Variants in MCTP2 observed in about 807,000 individuals in gnomAD.
The protein encoded by MCTP2 is multiple C2 and transmembrane domain-containing protein 2.
In MCTP2, 132 loss-of-function variants were observed where a neutral mutation model predicts 111.6. That is an observed-to-expected ratio of 1.18 (90% CI 1.03 to 1.37). The LOEUF (loss-of-function observed/expected upper bound fraction) is 1.37. Among genes scored for constraint, MCTP2 ranks in the 40% most tolerant of loss-of-function variants. The pLI, the probability that MCTP2 is intolerant of heterozygous loss-of-function variation, is 0.00. For synonymous variants in MCTP2, 395 were observed against 387.7 expected (o/e 1.02, Z -0.22); for missense variants, 1,183 against 1,067.9 (o/e 1.11, Z -1.50).
At chr15:94,366,319 T>G (rs1409109177) in intron 10 of MCTP2, among the ~76,000 whole-genome samples, 1 of 152,190 alleles carries the variant, frequency 6.6e-6, no homozygotes, top group East Asian at 1.9e-4. Context: ...CCACCTGTAA[T>G]TGGGGTCACT....
chr15:94,335,624 A>G (rs1017321163), intron 4 of MCTP2, among the ~76,000 whole-genome samples: 1 of 152,250 alleles, frequency 6.6e-6, no homozygotes, highest in African/African-American at 2.4e-5. Flanking sequence ...TATGGACTCC[A>G]AAGATAATTA....
At chr15:94,279,416 T>G (rs560118911) in intron 1 of MCTP2, among the ~76,000 whole-genome samples, 4 of 152,136 alleles carry the variant, frequency 2.6e-5, no homozygotes, top group African/African-American at 7.2e-5. Context: ...GGCACTCAAC[T>G]TATACATTAC....
At chr15:94,243,663 G>GTA (rs1201004098) in intron 1 of MCTP2, among the ~76,000 whole-genome samples, 2 of 146,810 alleles carry the variant, frequency 1.4e-5, no homozygotes, top group Non-Finnish European at 3.0e-5. Context: ...ACACATATGC[G>GTA]TATATATACA....
At chr15:94,328,556 T>C (rs1172539671) in intron 4 of MCTP2, among the ~76,000 whole-genome samples, 1 of 152,236 alleles carries the variant, frequency 6.6e-6, no homozygotes, top group Non-Finnish European at 1.5e-5. Flanking sequence ...ATGTGTGTTG[T>C]GTATTCCCAC....
chr15:94,445,972 T>C (rs974211497), intron 19 of MCTP2, among the ~76,000 whole-genome samples: 4 of 152,204 alleles, frequency 2.6e-5, no homozygotes, highest in African/African-American at 9.6e-5. Flanking sequence ...CCTCAGGAGA[T>C]GAATGCTTTG....
chr15:94,476,800 A>G lies in MCTP2; in HGVS notation c.2568+7A>G. ...ACCGTCTGATGTTCAAAAGGTATGT[A>G]ATGAATGGTTACCACCAACAGTGGC... On this transcript the variant is annotated splice_region_variant and intron_variant, in intron 22 of 22. Coordinates refer to ENST00000357742, the MANE Select transcript of MCTP2 (RefSeq NM_001385001.1). 1 of 1,510,132 alleles carries G rather than the reference A, an allele frequency of 6.6e-7. No homozygotes were observed. Among genetic ancestry groups the G allele is most frequent in the Non-Finnish European group, 9.2e-7 (1 of 1,086,024 alleles). 93.5% of individuals were successfully genotyped at this position (1,510,132 alleles called of 1,614,324 possible). A position where few individuals can be genotyped will look rare whatever the true frequency, so the allele number is the denominator to read the frequency against.
chr15:94,245,582 A>G (rs997794543), intron 1 of MCTP2, among the ~76,000 whole-genome samples: 3 of 144,616 alleles, frequency 2.1e-5, no homozygotes, highest in Non-Finnish European at 3.0e-5. Flanking sequence ...ATATACGTAT[A>G]TGTACATATA....
chr15:94,457,303 T>C (rs1199158230), intron 19 of MCTP2, among the ~76,000 whole-genome samples: 1 of 152,214 alleles, frequency 6.6e-6, no homozygotes, highest in Non-Finnish European at 1.5e-5. Context: ...GGGAATCTCC[T>C]GACATTTGAG....
intron 8 of MCTP2, among the ~76,000 whole-genome samples, chr15:94,354,313 A>G (rs2078485966): frequency 6.6e-6 from 1 of 152,166 alleles, no homozygotes; most frequent in Admixed American, 6.5e-5. Context: ...GTCCCCACCC[A>G]AATCTCATCT....
intron 4 of MCTP2, among the ~76,000 whole-genome samples, chr15:94,330,489 A>T (rs1366437971): frequency 1.3e-5 from 2 of 150,930 alleles, no homozygotes; most frequent in African/African-American, 4.9e-5. Flanking sequence ...GTATTCATTG[A>T]TTCTCTGGCT....
intron 4 of MCTP2, among the ~76,000 whole-genome samples, chr15:94,316,763 ATC>A (rs2152367348): frequency 6.6e-6 from 1 of 152,116 alleles, no homozygotes; most frequent in Non-Finnish European, 1.5e-5. Context: ...AGGCAAATAT[ATC>A]TGTTTTTTTC....
chr15:94,245,375 T>C (rs1014738758), intron 1 of MCTP2, among the ~76,000 whole-genome samples: 12 of 136,416 alleles, frequency 8.8e-5, no homozygotes, highest in Non-Finnish European at 1.5e-4. Context: ...TTTACATACA[T>C]ATGTATATGT....
At chr15:94,419,865 T>C (rs1757956347) in intron 17 of MCTP2, among the ~76,000 whole-genome samples, 2 of 151,804 alleles carry the variant, frequency 1.3e-5, no homozygotes, top group Non-Finnish European at 2.9e-5. Context: ...GCTGAGATAA[T>C]TGATAAAGGT....
intron 18 of MCTP2, among the ~76,000 whole-genome samples, chr15:94,441,114 T>C (rs149072378): frequency 0.011 from 1,645 of 152,294 alleles, 38 homozygotes; most frequent in African/African-American, 0.036. Flanking sequence ...CACCTTCACA[T>C]TTGGTTTCCC....
chr15:94,312,317 A>G (rs1212542874), intron 2 of MCTP2, among the ~76,000 whole-genome samples: 1 of 152,250 alleles, frequency 6.6e-6, no homozygotes, highest in East Asian at 1.9e-4. Flanking sequence ...GGTTCTGATT[A>G]TTGGCATAAA....
chr15:94,258,990 A>G (rs979281523), intron 1 of MCTP2, among the ~76,000 whole-genome samples: 8 of 152,236 alleles, frequency 5.3e-5, no homozygotes, highest in Non-Finnish European at 1.0e-4. Context: ...ATATATATAC[A>G]TTATTCAGCA....
chr15:94,270,411 T>C (rs993061599), intron 1 of MCTP2, among the ~76,000 whole-genome samples: 2 of 152,206 alleles, frequency 1.3e-5, no homozygotes, highest in African/African-American at 2.4e-5. Context: ...TAGTAGGAAC[T>C]AGTAGAGGAA....
intron 5 of MCTP2, 125 bp from the exon 6 acceptor site, chr15:94,340,074 G>A (rs1031969388): frequency 3.5e-5 from 24 of 686,520 alleles, no homozygotes; most frequent in Non-Finnish European, 5.8e-5. Context: ...ACTATACTAT[G>A]CAAAGTATTT....
In MCTP2 at chr15:94,356,252, C is replaced by T. The variant is rs1225576170; in HGVS notation, c.1121C>T (p.Thr374Ile). 4 of 1,612,548 alleles carry T rather than the reference C, an allele frequency of 2.5e-6. No homozygotes were observed. Among genetic ancestry groups the T allele is most frequent in the East Asian group, 2.2e-5 (1 of 44,774 alleles). ...AAGAATGTCTCAGGAGGAAGCATGACAGAGATGTTTGTCCAGTTAAAACTG... is the reference window on the plus strand; with the variant it reads ...AAGAATGTCTCAGGAGGAAGCATGATAGAGATGTTTGTCCAGTTAAAACTG... ...EGKNVSGGSM[T>I]EMFVQLKLGD... is the part of the protein sequence containing the mutation. Residue 374 changes from threonine (T) to isoleucine (I), a missense_variant, in exon 9 of 23, where the codon ACA becomes ATA. By Grantham distance (89) the Thr-to-Ile change is moderately conservative. Transcript: ENST00000357742.
Sources: gnomAD v4.1 joint callset for allele counts (sites outside exome capture counted in the v4.1 genomes callset) on GRCh38, gnomAD v4.1.1 for gene constraint, MANE v1.5 for transcripts, NCBI Gene and HGNC (gene_info 2026-07-23, HGNC 2026-07-21) for gene names.